The following PATJ variants were observed in gnomAD, a reference collection of about 807,000 sequenced individuals.
PATJ encodes the protein PATJ crumbs cell polarity complex component, also known as inaD-like protein.
In PATJ, 190 loss-of-function variants were observed where a neutral mutation model predicts 224.9. The ratio of observed to expected loss-of-function variants is 0.84; its 90% CI spans 0.75 to 0.95. PATJ has a LOEUF of 0.95. Ranked by LOEUF, PATJ falls within the 40% of genes least tolerant of loss-of-function variation. PATJ has a pLI of 0.00. For missense variants in PATJ, 2,121 were observed against 2,270.3 expected (o/e 0.93, Z 1.34); for synonymous variants, 769 against 820.3 (o/e 0.94, Z 1.07).
intron 28 of PATJ, among the ~76,000 whole-genome samples, chr1:62,000,194 T>TTTG (rs141570123): frequency 1.3e-5 from 1 of 79,972 alleles, no homozygotes; most frequent in African/African-American, 5.7e-5. Flanking sequence ...CAGCCTAGAG[T>TTTG]TTTTTGTTTT....
At chr1:61,936,755 A>G (rs1275306173) in intron 27 of PATJ, among the ~76,000 whole-genome samples, 3 of 152,064 alleles carry the variant, frequency 2.0e-5, no homozygotes, top group Non-Finnish European at 2.9e-5. Flanking sequence ...TATTTTTAGT[A>G]GAGATGGGGT....
At chr1:61,894,462 C>T (rs2498990) in intron 22 of PATJ, among the ~76,000 whole-genome samples, 2,298 of 152,082 alleles carry the variant, frequency 0.015, 56 homozygotes, top group African/African-American at 0.052. Context: ...ATCGTGGGGG[C>T]GGTTTCCCCA....
chr1:62,125,606 TAAAC>T (rs1448842123), intron 39 of PATJ, among the ~76,000 whole-genome samples: 3 of 152,198 alleles, frequency 2.0e-5, no homozygotes, highest in African/African-American at 7.2e-5. Flanking sequence ...ATGATGGATT[TAAAC>T]AAAGCCAAAA....
chr1:61,970,199 A>G (rs919550295), intron 27 of PATJ, among the ~76,000 whole-genome samples: 2 of 151,850 alleles, frequency 1.3e-5, no homozygotes, highest in Non-Finnish European at 2.9e-5. Context: ...GTTTGGAGTA[A>G]TAGACATTTT....
At chr1:61,838,676 G>A (rs1412447628) in intron 17 of PATJ, among the ~76,000 whole-genome samples, 2 of 151,968 alleles carry the variant, frequency 1.3e-5, no homozygotes, top group South Asian at 2.1e-4. Context: ...GGCCGACTGA[G>A]TACTCTGTTT....
At chr1:61,879,143 A>T (rs1557808531) in intron 21 of PATJ, among the ~76,000 whole-genome samples, 1 of 152,244 alleles carries the variant, frequency 6.6e-6, no homozygotes, top group Non-Finnish European at 1.5e-5. Flanking sequence ...TATAAACATG[A>T]TAAAAACAAT....
At chr1:61,919,317 T>TG (rs1320330985) in intron 26 of PATJ, among the ~76,000 whole-genome samples, 4 of 145,176 alleles carry the variant, frequency 2.8e-5, no homozygotes, top group Non-Finnish European at 4.7e-5. Flanking sequence ...TCTTTCTTTT[T>TG]CTTTTTTTTT....
intron 14 of PATJ, among the ~76,000 whole-genome samples, chr1:61,814,130 C>CTTTTTTTTTTTTTTTTT (rs762502160): frequency 1.2e-5 from 1 of 85,912 alleles, no homozygotes; most frequent in Non-Finnish European, 2.1e-5. Context: ...TTATTCTCTT[C>CTTTTTTTTTTTTTTTTT]TTTTTTTTTT....
chr1:62,076,481 T>A (rs1658330910), intron 31 of PATJ, among the ~76,000 whole-genome samples: 1 of 152,212 alleles, frequency 6.6e-6, no homozygotes, highest in South Asian at 2.1e-4. Context: ...GTAGTTTGGT[T>A]TTGTGCCAAT....
rs754545823 is a variant in PATJ at position 61,795,506 on chromosome 1, G to A, written c.1208G>A (p.Gly403Asp). The A allele has an allele frequency of 1.2e-5, 19 of 1,609,948 alleles. No homozygotes were observed. The highest frequency in any genetic ancestry group is 1.6e-5 in the Non-Finnish European group (19 of 1,177,074). ...SGIYVKSIIP[G>D]SAAYHNGHIQ... ...ATTTATGTGAAAAGTATAATACCTG[G>A]CAGTGCTGCGTACCACAATGGCCAC... The change falls in exon 10 of 44, where the codon GGC (glycine) becomes GAC (aspartate). Residue 403 changes from glycine to aspartate, a missense_variant. Transcript: ENST00000642238.
At chr1:61,936,850 C>G (rs1571379217) in intron 27 of PATJ, among the ~76,000 whole-genome samples, 1 of 152,098 alleles carries the variant, frequency 6.6e-6, no homozygotes, top group African/African-American at 2.4e-5. Context: ...GATGGGATTA[C>G]AGGTAGCATG....
intron 38 of PATJ, 127 bp from the exon 39 acceptor site, chr1:62,122,894 T>C: frequency 2.0e-6 from 1 of 498,668 alleles, no homozygotes; most frequent in Non-Finnish European, 3.3e-6. Flanking sequence ...AAGGGTACAA[T>C]ACCTGCTTGC....
chr1:62,141,723 C>T (rs1383649487), intron 41 of PATJ, among the ~76,000 whole-genome samples: 1 of 147,368 alleles, frequency 6.8e-6, no homozygotes, highest in Non-Finnish European at 1.5e-5. Context: ...GGGAGGCCAG[C>T]ACTTTGGGAG....
At chr1:61,801,793 C>A in intron 12 of PATJ, 24 bp downstream of exon 12, 1 of 1,465,132 alleles carries the variant, frequency 6.8e-7, no homozygotes, top group Non-Finnish European at 9.1e-7. Context: ...ATTCACTTTG[C>A]GATAACAGAC....
chr1:62,100,873 T>C lies in PATJ; in HGVS notation c.4378-7564T>C, dbSNP rs1558167726. 3.3e-5 allele frequency among the ~76,000 whole-genome samples: 5 copies of C among 152,308 alleles called. No homozygotes were observed. In the South Asian group the frequency reaches 8.3e-4, roughly 25 times the overall value. On this transcript the variant is annotated intron_variant, in intron 33 of 43. Coordinates refer to ENST00000642238, the MANE Select transcript of PATJ (RefSeq NM_001350145.3). ...GATGCTGTGATAAGTTCAGTGGTAC[T>C]AATGAACTTACGTAGTGGTGACTCA... is the stretch of plus-strand genomic sequence containing the variant.
At chr1:61,874,916 G>T (rs1376767751) in intron 20 of PATJ, among the ~76,000 whole-genome samples, 1 of 152,210 alleles carries the variant, frequency 6.6e-6, no homozygotes, top group African/African-American at 2.4e-5. Context: ...GAGGCTGTGT[G>T]TATCAGCAGT....
At chr1:61,790,207 G>GAAAAAAA (rs35646597) in intron 8 of PATJ, among the ~76,000 whole-genome samples, 1 of 114,126 alleles carries the variant, frequency 8.8e-6, no homozygotes, top group African/African-American at 3.2e-5. Flanking sequence ...CTGTCTCTGA[G>GAAAAAAA]AAAAAAAAAA....
At chr1:62,121,369 A>G in intron 38 of PATJ, 74 bp downstream of exon 38, 1 of 905,320 alleles carries the variant, frequency 1.1e-6, no homozygotes, top group Admixed American at 2.5e-5. Context: ...TTTTTTAAAA[A>G]CCAGTCTTCT....
rs201550049 is a variant in PATJ at position 61,827,513 on chromosome 1, G to A, written c.1910G>A (p.Arg637Gln). The change falls in exon 16 of 44, where the codon CGG becomes CAG. Residue 637 changes from arginine (R) to glutamine (Q), a missense_variant. By Grantham distance (43) the Arg-to-Gln change is conservative. Transcript: ENST00000642238. ...CCCCCTTTTACTTTGGTTTGCTGTC[G>A]GAGGTTGTTTGATGATGAAGCTTCT... ...VPPPFTLVCC[R>Q]RLFDDEASVD... 46 of 1,613,968 alleles carry A rather than the reference G, an allele frequency of 2.9e-5. No individual in the cohort carries two copies. The highest frequency in any genetic ancestry group is 1.9e-4 in the South Asian group (17 of 91,036).
Sources: gnomAD v4.1 joint callset for allele counts (sites outside exome capture counted in the v4.1 genomes callset) on GRCh38, gnomAD v4.1.1 for gene constraint, MANE v1.5 for transcripts, NCBI Gene and HGNC (gene_info 2026-07-23, HGNC 2026-07-21) for gene names.